CAMK2G: variants seen among roughly 807,000 people sequenced by gnomAD.
CAMK2G encodes the protein calcium/calmodulin dependent protein kinase II gamma.
Under a neutral mutation model 88.7 loss-of-function variants are expected in CAMK2G, and 23 were observed. The ratio of observed to expected loss-of-function variants is 0.26; its 90% CI spans 0.19 to 0.37. The LOEUF (loss-of-function observed/expected upper bound fraction) is 0.37. Ranked by LOEUF, CAMK2G falls within the 10% of genes least tolerant of loss-of-function variation. The pLI, the probability that CAMK2G is intolerant of heterozygous loss-of-function variation, is 1.00. For synonymous variants in CAMK2G, 263 were observed against 294.8 expected (o/e 0.89, Z 1.11); for missense variants, 476 against 780.8 (o/e 0.61, Z 4.65).
intron 5 of CAMK2G, 93 bp downstream of exon 5, chr10:73,852,161 A>C: frequency 1.1e-6 from 1 of 900,958 alleles, no homozygotes; most frequent in Non-Finnish European, 1.9e-6. Flanking sequence ...AAGACTATTC[A>C]AACAGGTACA....
chr10:73,833,912 T>G (rs1210283093), intron 14 of CAMK2G, among the ~76,000 whole-genome samples: 15 of 85,714 alleles, frequency 1.8e-4, no homozygotes, highest in African/African-American at 5.3e-4. Flanking sequence ...CTACTGGGTT[T>G]TTTTTTTTTT....
intron 3 of CAMK2G, among the ~76,000 whole-genome samples, chr10:73,855,251 C>T (rs2094943158): frequency 6.6e-6 from 1 of 152,190 alleles, no homozygotes; most frequent in Non-Finnish European, 1.5e-5. Context: ...CTTGCTGCAG[C>T]TGCTGCTCCC....
In CAMK2G at chr10:73,820,742, G is replaced by A. The variant is rs1225262018; in HGVS notation, c.1249+940C>T. Among the ~76,000 whole-genome samples the A allele has an allele frequency of 4.5e-5, 6 of 133,472 alleles. No homozygotes were observed. In the South Asian group the frequency reaches 1.2e-3, roughly 27 times the overall value. 87.6% of individuals were successfully genotyped at this position (133,472 alleles called of 152,430 possible). A position where few individuals can be genotyped will look rare whatever the true frequency, so the allele number is the denominator to read the frequency against. ...GGCTGGAGTGCAATGGGGTGATCTC[G>A]GCTCACTGCAACCTCCACCTCCCAG... On this transcript the variant is annotated intron_variant, in intron 18 of 22. Transcript: ENST00000423381.
intron 13 of CAMK2G, among the ~76,000 whole-genome samples, chr10:73,838,908 C>T (rs1447969610): frequency 2.0e-5 from 3 of 152,212 alleles, no homozygotes; most frequent in Non-Finnish European, 4.4e-5. Context: ...CAGGTAACAG[C>T]TGTACTGCAC....
rs2094693131 is a variant in CAMK2G, at chr10:73,852,372, C to A, written c.276-53G>T. 1.2e-5 allele frequency: 17 copies of A among 1,440,748 alleles called. No homozygotes were observed. In the South Asian group the frequency reaches 1.6e-4, roughly 14 times the overall value. 89.2% of individuals were successfully genotyped at this position (1,440,748 alleles called of 1,614,324 possible). On this transcript the variant is annotated intron_variant, in intron 4 of 22. Coordinates refer to ENST00000423381, the MANE Select transcript of CAMK2G (RefSeq NM_001367534.1). ...GAGGCAGAAAGGGTCCTTTGTCCAA[C>A]CCCAATGTCCAAGAAGAAACAGGGT...
chr10:73,853,055 C>T, intron 4 of CAMK2G, 137 bp downstream of exon 4: 1 of 778,926 alleles, frequency 1.3e-6, no homozygotes, highest in East Asian at 2.6e-5. Context: ...GCAATCTGCC[C>T]CAGTCAAATC....
At chr10:73,874,302 C>A in intron 1 of CAMK2G, 95 bp downstream of exon 1, 1 of 773,120 alleles carries the variant, frequency 1.3e-6, no homozygotes, top group Non-Finnish European at 1.7e-6. Context: ...CGAGGGGGAG[C>A]CGCAGCGGCC....
At chr10:73,870,144 G>A (rs1248072590) in intron 2 of CAMK2G, among the ~76,000 whole-genome samples, 3 of 152,122 alleles carry the variant, frequency 2.0e-5, no homozygotes, top group Non-Finnish European at 2.9e-5. Context: ...TCCTTGAGGG[G>A]GGTGCTCTTA....
chr10:73,837,831 C>G (rs1418223109), intron 13 of CAMK2G, among the ~76,000 whole-genome samples: 1 of 152,182 alleles, frequency 6.6e-6, no homozygotes, highest in Non-Finnish European at 1.5e-5. Flanking sequence ...CCACCCAGGC[C>G]TGGAAGCAGA....
chr10:73,820,468 A>ATT (rs1565179069), intron 18 of CAMK2G, among the ~76,000 whole-genome samples: 4 of 61,866 alleles, frequency 6.5e-5, no homozygotes, highest in Non-Finnish European at 8.8e-5. Flanking sequence ...TTATATTTAT[A>ATT]TATATATATA....
chr10:73,853,257 G>C lies in CAMK2G; in HGVS notation c.221-11C>G, dbSNP rs541795504. On this transcript the variant is annotated splice_polypyrimidine_tract_variant and intron_variant, in intron 3 of 22. Coordinates refer to ENST00000423381, the MANE Select transcript of CAMK2G (RefSeq NM_001367534.1). ...TGTCATGGAGGCGCACTGCAAGAGA[G>C]GAGATGGGGACAGAGATTAACAGAG... The C allele has an allele frequency of 8.7e-6, 14 of 1,612,718 alleles. No homozygotes were observed. Among genetic ancestry groups the C allele is most frequent in the Middle Eastern group, 1.6e-4 (1 of 6,062 alleles).
intron 1 of CAMK2G, chr10:73,873,576 C>G (rs1220781697): frequency 6.1e-6 from 6 of 986,786 alleles, no homozygotes; most frequent in South Asian, 4.5e-5. Context: ...CAAACCCCCC[C>G]ACAGCCGGTT....
chr10:73,857,192 G>GTAAA (rs1397164782), intron 3 of CAMK2G, among the ~76,000 whole-genome samples: 2 of 152,188 alleles, frequency 1.3e-5, no homozygotes, highest in African/African-American at 2.4e-5. Flanking sequence ...GGGCTCAAGG[G>GTAAA]TAAATGGTCA....
At chr10:73,831,527 C>T (rs1180666894) in intron 14 of CAMK2G, among the ~76,000 whole-genome samples, 1 of 110,054 alleles carries the variant, frequency 9.1e-6, no homozygotes, top group African/African-American at 3.6e-5. Context: ...GAGAGTGAGA[C>T]TCCGTCTAAA....
At chr10:73,851,060 C>T (rs1055257257) in intron 5 of CAMK2G, among the ~76,000 whole-genome samples, 5 of 152,320 alleles carry the variant, frequency 3.3e-5, no homozygotes, top group Admixed American at 1.3e-4. Context: ...CCCAGAGCCT[C>T]GTCCTCCCCT....
chr10:73,855,700 T>A (rs2094978501), intron 3 of CAMK2G, among the ~76,000 whole-genome samples: 1 of 152,174 alleles, frequency 6.6e-6, no homozygotes, highest in Admixed American at 6.5e-5. Context: ...GGAAGGGAAT[T>A]AGAAGAAAGG....
chr10:73,869,389 C>T (rs1433750898), intron 2 of CAMK2G, among the ~76,000 whole-genome samples: 1 of 152,234 alleles, frequency 6.6e-6, no homozygotes, highest in African/African-American at 2.4e-5. Context: ...ACATCTCCCA[C>T]TCTGCCTTAT....
intron 10 of CAMK2G, among the ~76,000 whole-genome samples, chr10:73,843,625 C>T (rs2093989982): frequency 6.6e-6 from 1 of 152,250 alleles, no homozygotes; most frequent in South Asian, 2.1e-4. Context: ...TGCCCTCTCC[C>T]CTTGCTGTTG....
intron 14 of CAMK2G, among the ~76,000 whole-genome samples, chr10:73,832,454 G>A (rs750646472): frequency 2.8e-4 from 43 of 151,930 alleles, no homozygotes; most frequent in Admixed American, 5.9e-4. Context: ...TTACAGGCAC[G>A]CACCACCACG....
Sources: gnomAD v4.1 joint callset for allele counts (sites outside exome capture counted in the v4.1 genomes callset) on GRCh38, gnomAD v4.1.1 for gene constraint, MANE v1.5 for transcripts, NCBI Gene and HGNC (gene_info 2026-07-23, HGNC 2026-07-21) for gene names.